DENND5B: variants seen among roughly 807,000 people sequenced by gnomAD.
The protein encoded by DENND5B is DENN domain containing 5B.
DENND5B carries 34 observed loss-of-function variants against 140.6 expected under a neutral mutation model. The observed-to-expected ratio is 0.24, with a 90% CI of 0.18 to 0.32. The LOEUF (loss-of-function observed/expected upper bound fraction) is 0.32. DENND5B is among the 10% of genes least tolerant of loss of function. The pLI is 1.00. For missense variants in DENND5B, 1,142 were observed against 1,560.2 expected (o/e 0.73, Z 4.52); for synonymous variants, 551 against 562.1 (o/e 0.98, Z 0.28).
chr12:31,409,264 G>A lies in DENND5B; in HGVS notation c.2802C>T (p.Ile934=), dbSNP rs199575517. ...YFCFTSVFTT[I]MIPYRSVIIP... Reference sequence around the variant, plus strand: ...TAACGGTCAATTCTCTAGACTTACTGATAGTGGTGAACACACTGGTGAAGC... The same window carrying A: ...TAACGGTCAATTCTCTAGACTTACTAATAGTGGTGAACACACTGGTGAAGC... Residue 934 remains isoleucine, a splice_region_variant and synonymous_variant, in exon 14 of 21, where the codon ATC becomes ATT. Transcript: ENST00000389082. The A allele has an allele frequency of 1.5e-4, 228 of 1,570,266 alleles. No homozygotes were observed. The highest frequency in any genetic ancestry group is 1.5e-4 in the Non-Finnish European group (177 of 1,158,222).
intron 14 of DENND5B, among the ~76,000 whole-genome samples, chr12:31,406,916 C>G (rs1942155353): frequency 6.6e-6 from 1 of 151,806 alleles, no homozygotes; most frequent in Non-Finnish European, 1.5e-5. Flanking sequence ...TCTCCCACAT[C>G]AGCCTCCTGA....
chr12:31,415,711 A>G lies in DENND5B; in HGVS notation c.2471-263T>C, dbSNP rs1489881042. ...CGATCCTCCCAACTTAGCCCTGTCC[A>G]GAGTAACTGGGATTACAGGTGTGCA... On this transcript the variant is annotated intron_variant, in intron 11 of 20. Coordinates refer to ENST00000389082, the MANE Select transcript of DENND5B (RefSeq NM_144973.4). Among the ~76,000 whole-genome samples the G allele has an allele frequency of 2.6e-5, 4 of 152,180 alleles. No individual in the cohort carries two copies. In the East Asian group the frequency reaches 7.7e-4, roughly 29 times the overall value.
intron 4 of DENND5B, among the ~76,000 whole-genome samples, chr12:31,453,020 T>C (rs1944610700): frequency 6.6e-6 from 1 of 152,176 alleles, no homozygotes; most frequent in Admixed American, 6.6e-5. Flanking sequence ...ACATCTGTAA[T>C]GCAGAATTGA....
chr12:31,574,990 T>C (rs992674531), intron 1 of DENND5B, among the ~76,000 whole-genome samples: 2 of 152,222 alleles, frequency 1.3e-5, no homozygotes, highest in African/African-American at 4.8e-5. Flanking sequence ...ATCACAGTCA[T>C]TGTTCTGGTG....
Position 31,398,147 on chromosome 12 carries a change from C to T in DENND5B, c.3256+28G>A, listed in dbSNP as rs189699285. 5.2e-6 allele frequency: 8 copies of T among 1,549,640 alleles called. No individual in the cohort carries two copies. In the Admixed American group the frequency reaches 1.4e-4, roughly 27 times the overall value. On this transcript the variant is annotated intron_variant, in intron 17 of 20. Transcript: ENST00000389082. The stretch of plus-strand genomic sequence containing the variant: ...TCACATGAAGCCTACATCATAGGAG[C>T]ACATAAGAAAAATTTAAATAAATTT...
intron 3 of DENND5B, among the ~76,000 whole-genome samples, chr12:31,469,346 A>AAAAAAAAG (rs769930524): frequency 3.1e-5 from 4 of 130,190 alleles, no homozygotes; most frequent in Admixed American, 1.8e-4. Flanking sequence ...AAAAAAAAAA[A>AAAAAAAAG]AAGAAGAAGA....
At chr12:31,397,422 C>T (rs1033745720) in intron 17 of DENND5B, among the ~76,000 whole-genome samples, 1 of 151,550 alleles carries the variant, frequency 6.6e-6, no homozygotes, top group Non-Finnish European at 1.5e-5. Flanking sequence ...GTGGCGGGCA[C>T]CTGTAATCCC....
chr12:31,437,311 T>G (rs1943820669), intron 7 of DENND5B, among the ~76,000 whole-genome samples: 1 of 152,174 alleles, frequency 6.6e-6, no homozygotes, highest in East Asian at 1.9e-4. Context: ...ATTTTTTGTA[T>G]TTTTAGTAGA....
intron 4 of DENND5B, among the ~76,000 whole-genome samples, chr12:31,453,736 GA>G (rs1428728754): frequency 5.9e-5 from 9 of 152,258 alleles, no homozygotes. Flanking sequence ...AAAGTAAGGG[GA>G]AAGGGGAAAG....
At chr12:31,577,019 C>T (rs752433283) in intron 1 of DENND5B, among the ~76,000 whole-genome samples, 1 of 151,826 alleles carries the variant, frequency 6.6e-6, no homozygotes, top group Admixed American at 6.6e-5. Context: ...ACCAAAAGAG[C>T]AATAAGAGGT....
At chr12:31,435,653 T>C (rs1399576504) in intron 7 of DENND5B, among the ~76,000 whole-genome samples, 1 of 100,162 alleles carries the variant, frequency 1.0e-5, no homozygotes, top group African/African-American at 3.8e-5. Context: ...GCTTTTTAAA[T>C]TTTGTTTTAG....
intron 17 of DENND5B, chr12:31,396,283 T>C (rs979809819): frequency 1.3e-5 from 2 of 151,900 alleles, no homozygotes; most frequent in African/African-American, 2.4e-5. Context: ...TTGGTCAGGC[T>C]GGTCTTGAAC....
chr12:31,434,793 C>T (rs952968590), intron 7 of DENND5B, among the ~76,000 whole-genome samples: 4 of 152,120 alleles, frequency 2.6e-5, no homozygotes, highest in Admixed American at 2.6e-4. Flanking sequence ...ACTTCACCTC[C>T]ACTCAGCTTT....
rs75897065 is a variant in DENND5B, at chr12:31,483,087, C to T, written c.238-2832G>A. The stretch of plus-strand genomic sequence containing the variant: ...AATCTGCTCTTCCCTTTTCCAGCAG[C>T]TTTCTTCCCCTTGGTATCCACATGA... On this transcript the variant is annotated intron_variant, in intron 2 of 20. Transcript: ENST00000389082. Among the ~76,000 whole-genome samples, 1,046 of 152,230 alleles carry T rather than the reference C, an allele frequency of 6.9e-3. 14 individuals carry two copies. Among genetic ancestry groups the T allele is most frequent in the African/African-American group, 0.024 (1,002 of 41,492 alleles).
At chr12:31,500,409 T>C in intron 1 of DENND5B, 3 of 453,632 alleles carry the variant, frequency 6.6e-6, no homozygotes, top group South Asian at 1.6e-5. Context: ...GCTGGGCATG[T>C]TGGCTCACAA....
intron 1 of DENND5B, chr12:31,500,514 T>C (rs1196937943): frequency 2.0e-5 from 7 of 355,892 alleles, no homozygotes; most frequent in Admixed American, 1.6e-4. Flanking sequence ...ACCTCATCTC[T>C]ACTAAAAATA....
chr12:31,589,185 T>G (rs973687747), intron 1 of DENND5B, among the ~76,000 whole-genome samples: 1 of 152,190 alleles, frequency 6.6e-6, no homozygotes, highest in Non-Finnish European at 1.5e-5. Flanking sequence ...TTTAGGATCT[T>G]TAGGGAAGAA....
intron 1 of DENND5B, among the ~76,000 whole-genome samples, chr12:31,580,110 A>G (rs11051470): frequency 0.18 from 27,815 of 152,014 alleles, 3,545 homozygotes; most frequent in Admixed American, 0.39. Flanking sequence ...TAAAACCACA[A>G]CTGAAGCTAC....
chr12:31,410,240 T>C (rs1942380711), intron 13 of DENND5B, among the ~76,000 whole-genome samples: 1 of 152,166 alleles, frequency 6.6e-6, no homozygotes, highest in African/African-American at 2.4e-5. Flanking sequence ...CCTTGACTCA[T>C]CAATTTTACT....
Sources: gnomAD v4.1 joint callset for allele counts (sites outside exome capture counted in the v4.1 genomes callset) on GRCh38, gnomAD v4.1.1 for gene constraint, MANE v1.5 for transcripts, NCBI Gene and HGNC (gene_info 2026-07-23, HGNC 2026-07-21) for gene names.